The following ABL1 variants were observed in gnomAD, a reference collection of about 807,000 sequenced individuals.
ABL1 encodes tyrosine-protein kinase ABL1.
ABL1 carries 11 observed loss-of-function variants against 94.7 expected under a neutral mutation model. That is an observed-to-expected ratio of 0.12 (90% confidence interval 0.07 to 0.19). The LOEUF (loss-of-function observed/expected upper bound fraction) is 0.19. Among genes scored for constraint, ABL1 ranks in the 10% least tolerant of loss-of-function variants. ABL1 has a pLI of 1.00. For missense variants in ABL1, 1,082 were observed against 1,489.4 expected, an observed-to-expected ratio of 0.73 and a Z score of 4.50; for synonymous variants, 656 against 622.4, an observed-to-expected ratio of 1.05 and a Z score of -0.80.
rs565857052 is a variant in ABL1, at chr9:130,839,294, G to A, written c.79+3769G>A. Among the ~76,000 whole-genome samples, 9 of 152,180 alleles carry A rather than the reference G, an allele frequency of 5.9e-5. No individual in the cohort carries two copies. In the South Asian group the frequency reaches 1.2e-3, roughly 21 times the overall value. Reference sequence around the variant, plus strand: ...TCTTTTCAGCAGCTAACTTTCCAGCGGATGCTTCATGTGGTGCCAGCCATA... The same window carrying A: ...TCTTTTCAGCAGCTAACTTTCCAGCAGATGCTTCATGTGGTGCCAGCCATA... On this transcript the variant is annotated intron_variant, in intron 1 of 10. Transcript: ENST00000318560.
chr9:130,883,102 C>A (rs1043322808), intron 10 of ABL1, among the ~76,000 whole-genome samples: 2 of 152,150 alleles, frequency 1.3e-5, no homozygotes, highest in Non-Finnish European at 2.9e-5. Flanking sequence ...AAGTCCCAGC[C>A]GGGCTACAGC....
chr9:130,884,229 G>A lies in ABL1; in HGVS notation c.1939G>A (p.Ala647Thr), dbSNP rs760300150. ...EGRDISNGAL[A>T]FTPLDTADPA... Reference sequence around the variant, plus strand: ...CCGAGACATCAGCAACGGGGCACTGGCTTTCACCCCCTTGGACACAGCTGA... The same window carrying A: ...CCGAGACATCAGCAACGGGGCACTGACTTTCACCCCCTTGGACACAGCTGA... Residue 647 changes from alanine (A) to threonine (T), a missense_variant, in exon 11 of 11, where the codon GCT becomes ACT. Coordinates refer to ENST00000318560, the MANE Select transcript of ABL1 (RefSeq NM_005157.6). This position sits in a 1 kb window ranked among gnomAD's most constrained non-coding sequence, Gnocchi z 5.6. The A allele has an allele frequency of 1.2e-6, 2 of 1,606,948 alleles. No homozygotes were observed. Among genetic ancestry groups the A allele is most frequent in the Non-Finnish European group, 8.5e-7 (1 of 1,177,260 alleles).
intron 1 of ABL1, among the ~76,000 whole-genome samples, chr9:130,839,019 C>T (rs1387494002): frequency 1.3e-5 from 2 of 152,120 alleles, no homozygotes; most frequent in African/African-American, 4.8e-5. Context: ...AAGCAACCCT[C>T]CCACCTCAGC....
intron 1 of ABL1, among the ~76,000 whole-genome samples, chr9:130,780,058 G>A (rs1353654544): frequency 6.6e-6 from 1 of 152,176 alleles, no homozygotes; most frequent in Non-Finnish European, 1.5e-5. Context: ...GGCCGAGGTG[G>A]CTGGATCACG....
intron 8 of ABL1, among the ~76,000 whole-genome samples, chr9:130,879,235 GCA>G (rs560129684): frequency 2.0e-5 from 3 of 152,186 alleles, no homozygotes; most frequent in South Asian, 2.1e-4. Flanking sequence ...TCTGTACTAT[GCA>G]CACACAGGAT....
intron 1 of ABL1, among the ~76,000 whole-genome samples, chr9:130,818,674 C>G (rs1353147651): frequency 6.6e-6 from 1 of 152,050 alleles, no homozygotes; most frequent in South Asian, 2.1e-4. Context: ...AGGTATTGCT[C>G]GAGAGTCATC....
At chr9:130,852,405 G>T (rs970960789) in intron 1 of ABL1, among the ~76,000 whole-genome samples, 2 of 152,072 alleles carry the variant, frequency 1.3e-5, no homozygotes, top group African/African-American at 4.8e-5. Context: ...GTTTCACCGT[G>T]TTGCCCAGGT....
At chr9:130,785,928 T>TG (rs1554763848) in intron 1 of ABL1, among the ~76,000 whole-genome samples, 1 of 56,658 alleles carries the variant, frequency 1.8e-5, no homozygotes, top group African/African-American at 6.0e-5. Context: ...GTCTCAAAAC[T>TG]AAAAAAAAAA....
chr9:130,716,280 A>G (rs1342837747), intron 1 of ABL1, among the ~76,000 whole-genome samples: 1 of 151,848 alleles, frequency 6.6e-6, no homozygotes, highest in East Asian at 1.9e-4. Flanking sequence ...ATTTTTTAGT[A>G]GAGACGGGGT....
chr9:130,866,517 G>A (rs967009930), intron 4 of ABL1, among the ~76,000 whole-genome samples: 28 of 151,984 alleles, frequency 1.8e-4, no homozygotes, highest in African/African-American at 5.6e-4. Flanking sequence ...GTTTCCTATC[G>A]CTGGCTTCTC....
upstream of ABL1, chr9:130,835,222 C>T (rs1324147865): frequency 6.6e-6 from 1 of 152,640 alleles, no homozygotes; most frequent in Non-Finnish European, 1.4e-5. The surrounding 1 kb of genome is among the most constrained non-coding windows in gnomAD (Gnocchi z 4.6). Flanking sequence ...GGGGCGGGGG[C>T]GGGCCTGGCG....
intron 1 of ABL1, among the ~76,000 whole-genome samples, chr9:130,730,094 AGTGCAATG>A (rs1303712234): frequency 7.7e-6 from 1 of 129,260 alleles, no homozygotes; most frequent in Non-Finnish European, 1.6e-5. Context: ...CCCACGCTGG[AGTGCAATG>A]GTGCAATCTT....
intron 1 of ABL1, among the ~76,000 whole-genome samples, chr9:130,762,543 G>A (rs963072276): frequency 1.3e-5 from 2 of 152,172 alleles, no homozygotes; most frequent in African/African-American, 4.8e-5. Context: ...CTTCCTGTGG[G>A]CTTGTGCAAT....
intron 4 of ABL1, among the ~76,000 whole-genome samples, chr9:130,869,205 G>T (rs1831210318): frequency 6.6e-6 from 1 of 152,120 alleles, no homozygotes; most frequent in Non-Finnish European, 1.5e-5. Context: ...GTTGAGTCTG[G>T]GAGAATGTAT....
chr9:130,807,753 A>G (rs1337648197), intron 1 of ABL1, among the ~76,000 whole-genome samples: 1 of 135,060 alleles, frequency 7.4e-6, no homozygotes, highest in Non-Finnish European at 1.5e-5. Flanking sequence ...GCTGGAGTGC[A>G]ATGGTGCGAT....
chr9:130,790,920 T>TCAGGC (rs1010608541), intron 1 of ABL1, among the ~76,000 whole-genome samples: 1 of 152,212 alleles, frequency 6.6e-6, no homozygotes, highest in African/African-American at 2.4e-5. Context: ...CCTTGGGCCT[T>TCAGGC]CAGGCCCCTT....
exon 1 of ABL1, chr9:130,713,852 T>G (rs530296443): frequency 3.5e-5 from 8 of 226,218 alleles, no homozygotes; most frequent in Non-Finnish European, 7.0e-5. Context: ...GCAGGAAATT[T>G]GTTGGAAGAT....
intron 1 of ABL1, among the ~76,000 whole-genome samples, chr9:130,741,890 AGG>A (rs57406754): frequency 0.33 from 50,092 of 151,946 alleles, 12,277 homozygotes; most frequent in African/African-American, 0.67. Flanking sequence ...GCCTGGAAAA[AGG>A]GGTAAAGTGA....
Position 130,868,605 on chromosome 9 carries a change from C to T in ABL1, c.823-3524C>T, listed in dbSNP as rs115884796. Among the ~76,000 whole-genome samples, 476 of 146,358 alleles carry T rather than the reference C, an allele frequency of 3.3e-3. 6 individuals are homozygous for T. The highest frequency in any genetic ancestry group is 0.012 in the African/African-American group (465 of 39,390). On this transcript the variant is annotated intron_variant, in intron 4 of 10. Transcript: ENST00000318560. ...GTGGCATGATCTCAGTTCACTGCAA[C>T]GGCCTCCCAGGTTCAAGCAATTCTT...
Sources: gnomAD v4.1 joint callset for allele counts (sites outside exome capture counted in the v4.1 genomes callset) on GRCh38, gnomAD v4.1.1 for gene constraint, Gnocchi (gnomAD v3.1) non-coding constraint, MANE v1.5 for transcripts, NCBI Gene and HGNC (gene_info 2026-07-23, HGNC 2026-07-21) for gene names.